SCAPER: variants seen among roughly 807,000 people sequenced by gnomAD.
SCAPER encodes S-phase cyclin A associated protein in the ER, also known as S phase cyclin A-associated protein in the endoplasmic reticulum.
Under a neutral mutation model 182.2 loss-of-function variants are expected in SCAPER, and 98 were observed. That is an observed-to-expected ratio of 0.54 (90% CI 0.46 to 0.64). The LOEUF is 0.64. Ranked by LOEUF, SCAPER falls within the 30% of genes least tolerant of loss-of-function variation. SCAPER has a pLI of 0.00. For synonymous variants in SCAPER, 605 were observed against 564.6 expected (o/e 1.07, Z -1.01); for missense variants, 1,432 against 1,690.0 (o/e 0.85, Z 2.68).
chr15:76,892,132 T>C lies in SCAPER; in HGVS notation c.-59-8256A>G, dbSNP rs181471856. Among the ~76,000 whole-genome samples, 7 of 152,304 alleles carry C rather than the reference T, an allele frequency of 4.6e-5. No individual in the cohort carries two copies. The East Asian group carries it at 1.4e-3, about 29-fold the overall frequency. Reference sequence around the variant, plus strand: ...AACTGGCTAGCCACATGCAGAAAGCTGAAAGTGGACCCCTTCCTTACACTT... The same window carrying C: ...AACTGGCTAGCCACATGCAGAAAGCCGAAAGTGGACCCCTTCCTTACACTT... On this transcript the variant is annotated intron_variant, in intron 1 of 31. Coordinates refer to ENST00000563290, the MANE Select transcript of SCAPER (RefSeq NM_020843.4).
chr15:76,595,121 G>A (rs2145721183), intron 22 of SCAPER, among the ~76,000 whole-genome samples: 1 of 121,022 alleles, frequency 8.3e-6, no homozygotes, highest in African/African-American at 2.5e-5. Flanking sequence ...CAAAATAAAG[G>A]GATGGAGGAA....
chr15:76,555,662 A>G (rs989650658), intron 23 of SCAPER, among the ~76,000 whole-genome samples: 9 of 152,244 alleles, frequency 5.9e-5, no homozygotes, highest in African/African-American at 2.2e-4. Context: ...ATAATAGTAA[A>G]GGATTCAATT....
At chr15:76,559,066 G>GC (rs1326846161) in intron 23 of SCAPER, among the ~76,000 whole-genome samples, 1 of 151,698 alleles carries the variant, frequency 6.6e-6, no homozygotes, top group African/African-American at 2.4e-5. Context: ...ATGGAGCCTC[G>GC]CTCTGTTGCC....
At chr15:76,469,906 G>A (rs79232464) in intron 25 of SCAPER, among the ~76,000 whole-genome samples, 1 of 146,878 alleles carries the variant, frequency 6.8e-6, no homozygotes, top group African/African-American at 2.5e-5. Context: ...TTTTTTTTTT[G>A]CTAAAATATC....
chr15:76,812,778 A>T (rs1003349109), intron 5 of SCAPER, among the ~76,000 whole-genome samples: 2 of 152,158 alleles, frequency 1.3e-5, no homozygotes, highest in African/African-American at 4.8e-5. Flanking sequence ...GCCAGTAACA[A>T]AATGACTGAA....
chr15:76,444,817 C>A (rs1374104640), intron 25 of SCAPER, among the ~76,000 whole-genome samples: 1 of 152,112 alleles, frequency 6.6e-6, no homozygotes, highest in Non-Finnish European at 1.5e-5. Flanking sequence ...GGTCTGTTTT[C>A]TCTGTTGTTC....
Position 76,651,223 on chromosome 15 carries a change from C to G in SCAPER, c.2645+14430G>C, listed in dbSNP as rs139647121. Among the ~76,000 whole-genome samples, 1,237 of 151,794 alleles carry G rather than the reference C, an allele frequency of 8.1e-3. 13 individuals carry two copies. The highest frequency in any genetic ancestry group is 0.028 in the African/African-American group (1,173 of 41,404). ...AAAATTTGTTATTTCAAAAGATTAA[C>G]AAAATTGATAAATTCTAGACCAGAG... On this transcript the variant is annotated intron_variant, in intron 21 of 31. Transcript: ENST00000563290.
At chr15:76,743,821 C>G (rs886516381) in intron 15 of SCAPER, among the ~76,000 whole-genome samples, 2 of 152,026 alleles carry the variant, frequency 1.3e-5, no homozygotes, top group Admixed American at 6.6e-5. Context: ...AAAAAGTGCC[C>G]CAATAGCCAA....
chr15:76,868,781 A>G (rs1321508640), intron 2 of SCAPER, among the ~76,000 whole-genome samples: 2 of 152,212 alleles, frequency 1.3e-5, no homozygotes, highest in Admixed American at 6.5e-5. Flanking sequence ...AATAGAAAAA[A>G]AAATCCTAAA....
intron 14 of SCAPER, among the ~76,000 whole-genome samples, chr15:76,755,184 T>TA (rs916825700): frequency 6.6e-6 from 1 of 152,206 alleles, no homozygotes; most frequent in African/African-American, 2.4e-5. Flanking sequence ...GTGATTGTGT[T>TA]AGAGCACTTC....
In SCAPER at chr15:76,597,292, C is replaced by A. The variant is rs2049585205; in HGVS notation, c.2712-23008G>T. Among the ~76,000 whole-genome samples, 2 of 121,110 alleles carry A rather than the reference C, an allele frequency of 1.7e-5. 1 individual carries two copies. The highest frequency in any genetic ancestry group is 4.0e-5 in the Non-Finnish European group (2 of 49,796). The allele number at this position is 121,110 out of a possible 152,430, so 79.5% of individuals were successfully genotyped here. Reference sequence around the variant, plus strand: ...CAAGGAGAACTACAAACCACTACTCCACAAAATAAAAGAGGACACAAACAA... The same window carrying A: ...CAAGGAGAACTACAAACCACTACTCAACAAAATAAAAGAGGACACAAACAA... On this transcript the variant is annotated intron_variant, in intron 22 of 31. Transcript: ENST00000563290.
chr15:76,782,453 T>A (rs55746932), intron 8 of SCAPER, among the ~76,000 whole-genome samples: 1 of 151,844 alleles, frequency 6.6e-6, no homozygotes, highest in Non-Finnish European at 1.5e-5. Flanking sequence ...TACCCCACTA[T>A]CCACATTAGA....
rs573228596 is a variant in SCAPER at position 76,601,482 on chromosome 15, G to T, written c.2711+20282C>A. On this transcript the variant is annotated intron_variant, in intron 22 of 31. Transcript: ENST00000563290. ...CTGTAGTATTCATTACAGTAACATG[G>T]CATACATGTTTGTAGCCTAAGAGCT... Among the ~76,000 whole-genome samples, 40 of 121,284 alleles carry T rather than the reference G, an allele frequency of 3.3e-4. 13 individuals carry two copies. Among genetic ancestry groups the T allele is most frequent in the Middle Eastern group, 0.01 (2 of 198 alleles). 79.6% of individuals were successfully genotyped at this position (121,284 alleles called of 152,430 possible). A position where few individuals can be genotyped will look rare whatever the true frequency, so the allele number is the denominator to read the frequency against.
intron 15 of SCAPER, among the ~76,000 whole-genome samples, chr15:76,749,310 T>C (rs1304886012): frequency 6.6e-6 from 1 of 152,038 alleles, no homozygotes; most frequent in Admixed American, 6.5e-5. Context: ...ATGGTAAAGA[T>C]TTTCAGTAAA....
chr15:76,805,487 G>A (rs1222933891), intron 5 of SCAPER, among the ~76,000 whole-genome samples: 5 of 151,444 alleles, frequency 3.3e-5, no homozygotes, highest in Admixed American at 3.3e-4. Flanking sequence ...ATCATTGGGG[G>A]TTATGTGCAT....
chr15:76,440,288 G>A (rs1308781387), intron 25 of SCAPER, among the ~76,000 whole-genome samples: 2 of 152,166 alleles, frequency 1.3e-5, no homozygotes, highest in African/African-American at 2.4e-5. Context: ...TGTTTTCAGC[G>A]AAGTTAAATT....
At chr15:76,744,229 C>T (rs1396816070) in intron 15 of SCAPER, among the ~76,000 whole-genome samples, 1 of 152,084 alleles carries the variant, frequency 6.6e-6, no homozygotes, top group African/African-American at 2.4e-5. Context: ...ATCTGCTTGA[C>T]AAGTCAATTT....
chr15:76,788,142 C>T (rs1042876107), intron 8 of SCAPER, among the ~76,000 whole-genome samples: 1 of 152,128 alleles, frequency 6.6e-6, no homozygotes, highest in African/African-American at 2.4e-5. Context: ...ATAAAAATAG[C>T]TAAAACAAAA....
At chr15:76,487,058 T>C (rs2051726319) in intron 24 of SCAPER, among the ~76,000 whole-genome samples, 2 of 152,056 alleles carry the variant, frequency 1.3e-5, no homozygotes, top group African/African-American at 2.4e-5. Flanking sequence ...CTGGAGGCCA[T>C]TACCTTAGCA....
Sources: gnomAD v4.1 joint callset for allele counts (sites outside exome capture counted in the v4.1 genomes callset) on GRCh38, gnomAD v4.1.1 for gene constraint, MANE v1.5 for transcripts, NCBI Gene and HGNC (gene_info 2026-07-23, HGNC 2026-07-21) for gene names.